Variants in PXDN observed in about 807,000 individuals in gnomAD.
PXDN encodes peroxidasin.
PXDN carries 77 observed loss-of-function variants against 140.3 expected under a neutral mutation model. That is an observed-to-expected ratio of 0.55 (90% CI 0.46 to 0.66). The LOEUF is 0.66. PXDN is among the 30% of genes least tolerant of loss of function. PXDN has a pLI of 0.00. For synonymous variants in PXDN, 911 were observed against 857.4 expected (o/e 1.06, Z -1.09); for missense variants, 1,838 against 2,039.5 (o/e 0.90, Z 1.90).
intron 14 of PXDN, among the ~76,000 whole-genome samples, chr2:1,656,500 C>T (rs1036077437): frequency 6.6e-6 from 1 of 152,218 alleles, no homozygotes; most frequent in Non-Finnish European, 1.5e-5. Flanking sequence ...GACCTGCCCC[C>T]TCTTGACAGA....
chr2:1,670,739 A>G (rs1235792084), intron 9 of PXDN, among the ~76,000 whole-genome samples: 1 of 152,168 alleles, frequency 6.6e-6, no homozygotes, highest in Non-Finnish European at 1.5e-5. Flanking sequence ...AGAAGACAAG[A>G]CACAGATCAA....
intron 14 of PXDN, among the ~76,000 whole-genome samples, chr2:1,658,549 C>T (rs1683223852): frequency 6.6e-6 from 1 of 151,994 alleles, no homozygotes; most frequent in Non-Finnish European, 1.5e-5. Flanking sequence ...CCCACTTGGC[C>T]CAGCACCCCC....
At chr2:1,667,070 G>A (rs959279943) in intron 9 of PXDN, among the ~76,000 whole-genome samples, 2 of 152,108 alleles carry the variant, frequency 1.3e-5, no homozygotes, top group East Asian at 1.9e-4. Flanking sequence ...GGACGTGGCC[G>A]TGCATACTGA....
chr2:1,738,226 A>C (rs1412836793), intron 1 of PXDN, among the ~76,000 whole-genome samples: 3 of 151,938 alleles, frequency 2.0e-5, no homozygotes, highest in Middle Eastern at 3.2e-3. Context: ...ATCACTATTA[A>C]AATAATTAGT....
chr2:1,710,614 G>GCACCCACTCTATGAA (rs1226634680), intron 1 of PXDN, among the ~76,000 whole-genome samples: 7 of 129,044 alleles, frequency 5.4e-5, no homozygotes, highest in Non-Finnish European at 1.1e-4. Context: ...CTCTCCACCA[G>GCACCCACTCTATGAA]CACCCACTCT....
chr2:1,681,577 G>A (rs573358448), intron 6 of PXDN, among the ~76,000 whole-genome samples: 7 of 152,146 alleles, frequency 4.6e-5, no homozygotes, highest in South Asian at 2.1e-4. Flanking sequence ...GGGAAGGGGA[G>A]GCTACACCTC....
chr2:1,654,348 C>T, intron 15 of PXDN, 52 bp downstream of exon 15: 1 of 1,306,328 alleles, frequency 7.7e-7, no homozygotes, highest in Non-Finnish European at 1.1e-6. Context: ...CTCCCACCTT[C>T]ACCCTAAAGC....
At chr2:1,712,042 T>C (rs1051397254) in intron 1 of PXDN, among the ~76,000 whole-genome samples, 12 of 151,840 alleles carry the variant, frequency 7.9e-5, no homozygotes, top group Admixed American at 5.9e-4. Context: ...TCAATGAAAA[T>C]GTTGAGGAAT....
intron 14 of PXDN, among the ~76,000 whole-genome samples, chr2:1,659,057 G>A (rs1683242695): frequency 6.6e-6 from 1 of 152,250 alleles, no homozygotes; most frequent in Non-Finnish European, 1.5e-5. Context: ...ACAGAGTCCA[G>A]CCCACGAAGG....
intron 1 of PXDN, among the ~76,000 whole-genome samples, chr2:1,712,241 G>A (rs570869149): frequency 6.6e-6 from 1 of 152,154 alleles, no homozygotes; most frequent in South Asian, 2.1e-4. Flanking sequence ...TTTTTATTAC[G>A]ATTTTAGGTT....
At chr2:1,675,904 G>A (rs568786150) in intron 8 of PXDN, among the ~76,000 whole-genome samples, 14 of 152,278 alleles carry the variant, frequency 9.2e-5, no homozygotes, top group Non-Finnish European at 1.3e-4. Flanking sequence ...GAGGAGCAGC[G>A]CAGGAGTGCT....
chr2:1,683,555 G>GC, intron 6 of PXDN, 101 bp downstream of exon 6: 1 of 479,974 alleles, frequency 2.1e-6, no homozygotes, highest in Non-Finnish European at 3.2e-6. Context: ...GAATCAGATT[G>GC]TTATCAACAT....
In PXDN at chr2:1,685,171, C is replaced by G. The variant is rs1326517302; in HGVS notation, c.417-1020G>C. 6.6e-6 allele frequency among the ~76,000 whole-genome samples: 1 copy of G among 152,248 alleles called. No individual in the cohort carries two copies. Among genetic ancestry groups the G allele is most frequent in the Admixed American group, 6.5e-5 (1 of 15,286 alleles). ...GCCAGCTCCCCAGGCAGCACCCACA[C>G]AGGCCACACTGAGTCTCTGCGGACA... On this transcript the variant is annotated intron_variant, in intron 4 of 22. Coordinates refer to ENST00000252804, the MANE Select transcript of PXDN (RefSeq NM_012293.3). This position sits in a 1 kb window ranked among gnomAD's most constrained non-coding sequence, Gnocchi z 5.1.
At chr2:1,658,443 A>G (rs536483786) in intron 14 of PXDN, among the ~76,000 whole-genome samples, 1 of 151,846 alleles carries the variant, frequency 6.6e-6, no homozygotes, top group African/African-American at 2.4e-5. Context: ...GTGCAAGCCA[A>G]CTACTGCCAG....
intron 16 of PXDN, chr2:1,652,928 CTCTG>C (rs1489429130): frequency 4.2e-5 from 4 of 96,068 alleles, no homozygotes; most frequent in African/African-American, 8.3e-5. Context: ...CTCCTCCGTG[CTCTG>C]TGTGTGTGTG....
chr2:1,733,542 G>A (rs1335312269), intron 1 of PXDN, among the ~76,000 whole-genome samples: 2 of 152,110 alleles, frequency 1.3e-5, no homozygotes, highest in African/African-American at 2.4e-5. Flanking sequence ...AGGAGTTCGA[G>A]ACCAGCATGG....
At chr2:1,676,656 G>A (rs551423218) in intron 8 of PXDN, 32 of 502,050 alleles carry the variant, frequency 6.4e-5, no homozygotes, top group South Asian at 1.3e-4. Context: ...CCCTCCCACC[G>A]GGAAGGGCCG....
chr2:1,697,812 C>T (rs1025106309), intron 1 of PXDN, among the ~76,000 whole-genome samples: 4 of 152,182 alleles, frequency 2.6e-5, no homozygotes, highest in African/African-American at 9.7e-5. Context: ...AATGAGTGGA[C>T]CACTGGGTCA....
At chr2:1,741,409 C>G (rs1381503253) in intron 1 of PXDN, among the ~76,000 whole-genome samples, 2 of 152,126 alleles carry the variant, frequency 1.3e-5, no homozygotes, top group Non-Finnish European at 2.9e-5. Context: ...AAGGCCAAAC[C>G]GCCGACCGAG....
Sources: allele counts gnomAD v4.1 joint callset (sites outside exome capture counted in the v4.1 genomes callset), GRCh38; gene constraint gnomAD v4.1.1; non-coding constraint Gnocchi (gnomAD v3.1); transcripts MANE v1.5; gene names NCBI Gene and HGNC (gene_info 2026-07-23, HGNC 2026-07-21).